PAX8: variants seen among roughly 807,000 people sequenced by gnomAD.
The protein encoded by PAX8 is paired box protein Pax-8.
In PAX8, 15 loss-of-function variants were observed where a neutral mutation model predicts 52.4. That is an observed-to-expected ratio of 0.29 (90% CI 0.19 to 0.44). The LOEUF is 0.44. PAX8 is among the 20% of genes least tolerant of loss of function. The probability of loss-of-function intolerance (pLI) is 1.00; values close to 1 mark genes in which losing one functional copy is unlikely to be tolerated. For missense variants in PAX8, 554 were observed against 602.5 expected (o/e 0.92, Z 0.84); for synonymous variants, 284 against 249.7 (o/e 1.14, Z -1.29).
intron 2 of PAX8, chr2:113,265,573 C>G (rs1275274287): frequency 6.6e-6 from 1 of 152,386 alleles, no homozygotes; most frequent in African/African-American, 2.4e-5. Flanking sequence ...GAATCCCACC[C>G]TGACCCGGTC....
chr2:113,220,276 A>C, intron 10 of PAX8, 98 bp from the exon 11 acceptor site: 19 of 856,642 alleles, frequency 2.2e-5, no homozygotes, highest in Non-Finnish European at 2.9e-5. Context: ...GGGCAAGCTC[A>C]GGAATGGTTG....
intron 2 of PAX8, chr2:113,273,801 T>G (rs1443217896): frequency 6.6e-6 from 1 of 152,206 alleles, no homozygotes; most frequent in Non-Finnish European, 1.5e-5. Flanking sequence ...CTCTTTCAAT[T>G]TCACTAATAG....
chr2:113,223,907 G>A (rs984755463), intron 10 of PAX8, among the ~76,000 whole-genome samples: 3 of 152,228 alleles, frequency 2.0e-5, no homozygotes, highest in Non-Finnish European at 2.9e-5. Context: ...TGGATGGAAG[G>A]ATGGAAGGAT....
chr2:113,260,991 C>G (rs1208256796), intron 2 of PAX8, among the ~76,000 whole-genome samples: 4 of 151,914 alleles, frequency 2.6e-5, no homozygotes, highest in African/African-American at 9.7e-5. Flanking sequence ...CAGGTAAGAA[C>G]AAATGAAGGG....
At chr2:113,235,657 T>G (rs1690227932) in intron 8 of PAX8, 75 bp from the exon 9 acceptor site, 3 of 1,312,744 alleles carry the variant, frequency 2.3e-6, no homozygotes, top group African/African-American at 1.5e-5. Context: ...AGCCAAGCCG[T>G]GGGATGTGGA....
At chr2:113,250,580 T>C (rs1003645780) in intron 2 of PAX8, among the ~76,000 whole-genome samples, 8 of 152,330 alleles carry the variant, frequency 5.3e-5, no homozygotes, top group African/African-American at 1.7e-4. Flanking sequence ...GTGCTAATGC[T>C]GCTAGGCCAG....
At chr2:113,266,943 A>G (rs1372718320) in intron 2 of PAX8, 1 of 152,240 alleles carries the variant, frequency 6.6e-6, no homozygotes, top group Non-Finnish European at 1.5e-5. Flanking sequence ...CAAATGTACA[A>G]AATATGCATG....
chr2:113,260,091 G>T (rs1692557186), intron 2 of PAX8, among the ~76,000 whole-genome samples: 1 of 152,148 alleles, frequency 6.6e-6, no homozygotes. Flanking sequence ...TTTCAATTCA[G>T]TGAGCACCTA....
intron 9 of PAX8, among the ~76,000 whole-genome samples, chr2:113,234,156 C>T (rs1003843647): frequency 6.6e-6 from 1 of 152,262 alleles, no homozygotes; most frequent in Non-Finnish European, 1.5e-5. Flanking sequence ...TGGGCCCCCA[C>T]TGGGCCCACA....
chr2:113,234,433 C>T (rs1172128258), intron 9 of PAX8, among the ~76,000 whole-genome samples: 2 of 152,250 alleles, frequency 1.3e-5, no homozygotes, highest in Non-Finnish European at 2.9e-5. Flanking sequence ...CAGGGACCTT[C>T]TCCTCCCTGG....
In PAX8 at chr2:113,227,363, C is replaced by T. The variant is rs948636191; in HGVS notation, c.1088-107G>A. The T allele has an allele frequency of 4.3e-6, 4 of 922,334 alleles. No individual in the cohort carries two copies. The South Asian group carries it at 4.6e-5, about 11-fold the overall frequency. 57.1% of individuals were successfully genotyped at this position (922,334 alleles called of 1,614,324 possible). A position where few individuals can be genotyped will look rare whatever the true frequency, so the allele number is the denominator to read the frequency against. On this transcript the variant is annotated intron_variant, in intron 9 of 11. Transcript: ENST00000429538. ...CTCCATGCCATTCCCACCCTCTCTA[C>T]AGCCATTCTCCAAACCCACTTCCTC...
intron 2 of PAX8, among the ~76,000 whole-genome samples, chr2:113,251,257 G>A (rs929158922): frequency 3.9e-5 from 6 of 152,164 alleles, no homozygotes; most frequent in African/African-American, 1.2e-4. Flanking sequence ...CTGCACTGGG[G>A]TTGGGGGGAC....
intron 2 of PAX8, chr2:113,265,726 G>T (rs1468218993): frequency 6.6e-6 from 1 of 152,138 alleles, no homozygotes; most frequent in Non-Finnish European, 1.5e-5. Context: ...CAGAGGCATG[G>T]TCTCCTGAGT....
chr2:113,227,536 C>G (rs1216184687), intron 9 of PAX8, among the ~76,000 whole-genome samples: 1 of 152,204 alleles, frequency 6.6e-6, no homozygotes, highest in East Asian at 1.9e-4. Flanking sequence ...TGATTGTTAT[C>G]TTATTAATCC....
intron 7 of PAX8, 67 bp downstream of exon 7, chr2:113,241,484 C>T (rs1690835695): frequency 1.4e-6 from 2 of 1,465,666 alleles, no homozygotes; most frequent in South Asian, 1.2e-5. Context: ...AGCACAGGCT[C>T]ATTTGGAGAA....
At chr2:113,275,826 A>T (rs1256972607) in intron 2 of PAX8, 1 of 152,270 alleles carries the variant, frequency 6.6e-6, no homozygotes, top group East Asian at 1.9e-4. Flanking sequence ...TGCGCACGTT[A>T]AAATGATTCG....
chr2:113,227,187 T>C lies in PAX8; in HGVS notation c.1157A>G (p.Tyr386Cys). 1 of 1,607,972 alleles carries C rather than the reference T, an allele frequency of 6.2e-7. No individual in the cohort carries two copies. Among genetic ancestry groups the C allele is most frequent in the South Asian group, 1.1e-5 (1 of 89,608 alleles). ...CATGCCTGCGATGGCAGAGGAGGCA[T>C]AGCTGCCCTGTCCGCTGGTGGGGAT... Reference protein sequence around the residue: ...PHIPTSGQGSYASSAIAGMVA... With the variant: ...PHIPTSGQGSCASSAIAGMVA... The change falls in exon 10 of 12, where the codon TAT becomes TGT. Residue 386 changes from tyrosine to cysteine, a missense_variant. Tyr to Cys is a radical substitution (Grantham distance 194, BLOSUM62 -2). This residue lies in a region of PAX8 where 445 missense variants were observed against 409.9 expected (regional missense o/e 1.09). Transcript: ENST00000429538.
At chr2:113,253,258 G>A (rs1298135982) in intron 2 of PAX8, among the ~76,000 whole-genome samples, 7 of 152,026 alleles carry the variant, frequency 4.6e-5, no homozygotes, top group Admixed American at 4.6e-4. Context: ...CCCCTTCAAG[G>A]CCATCCTTGG....
intron 2 of PAX8, chr2:113,271,831 C>T (rs980158669): frequency 2.0e-5 from 3 of 151,028 alleles, no homozygotes; most frequent in Admixed American, 2.0e-4. Context: ...ATAAAAATGT[C>T]GTAGCAATAC....
Sources: gnomAD v4.1 joint callset for allele counts (sites outside exome capture counted in the v4.1 genomes callset) on GRCh38, gnomAD v4.1.1 for gene constraint, gnomAD v4.1.1 regional missense constraint, MANE v1.5 for transcripts, NCBI Gene and HGNC (gene_info 2026-07-23, HGNC 2026-07-21) for gene names.